Variants in ELMO1 observed in about 807,000 individuals in gnomAD.
ELMO1 encodes engulfment and cell motility protein 1.
Under a neutral mutation model 98.9 loss-of-function variants are expected in ELMO1, and 26 were observed. The observed-to-expected ratio is 0.26, with a 90% confidence interval of 0.19 to 0.36. The LOEUF is 0.36. Among genes scored for constraint, ELMO1 ranks in the 10% least tolerant of loss-of-function variants. ELMO1 has a pLI of 1.00. For synonymous variants in ELMO1, 346 were observed against 346.0 expected (o/e 1.00, Z 0.00); for missense variants, 627 against 935.2 (o/e 0.67, Z 4.30).
chr7:36,945,337 G>T (rs1303932730), intron 16 of ELMO1, among the ~76,000 whole-genome samples: 3 of 152,076 alleles, frequency 2.0e-5, no homozygotes, highest in African/African-American at 7.2e-5. Context: ...TTTTGAAAGG[G>T]CTTACAATAC....
intron 6 of ELMO1, among the ~76,000 whole-genome samples, chr7:37,245,702 G>A (rs1227406255): frequency 6.6e-6 from 1 of 152,094 alleles, no homozygotes; most frequent in African/African-American, 2.4e-5. Flanking sequence ...TCCACTAAAA[G>A]GAACCAGGGC....
intron 17 of ELMO1, among the ~76,000 whole-genome samples, chr7:36,891,073 G>T (rs1454812233): frequency 6.6e-6 from 1 of 152,194 alleles, no homozygotes; most frequent in Non-Finnish European, 1.5e-5. Flanking sequence ...CCTAATTAGA[G>T]ACAGCTACTC....
intron 1 of ELMO1, among the ~76,000 whole-genome samples, chr7:37,416,602 T>G (rs1216468442): frequency 6.6e-6 from 1 of 152,216 alleles, no homozygotes; most frequent in Non-Finnish European, 1.5e-5. Context: ...GAGGGCCACA[T>G]TTGCTTACAA....
intron 1 of ELMO1, among the ~76,000 whole-genome samples, chr7:37,375,085 C>G (rs1233899668): frequency 6.6e-6 from 1 of 151,998 alleles, no homozygotes; most frequent in African/African-American, 2.4e-5. Context: ...AAGAAAAAAT[C>G]TCTTAACTCC....
At chr7:37,264,976 C>T (rs771233052) in intron 5 of ELMO1, among the ~76,000 whole-genome samples, 5 of 152,146 alleles carry the variant, frequency 3.3e-5, no homozygotes. Flanking sequence ...CTCAATGTTG[C>T]CCAGCAATCC....
chr7:37,167,285 T>A (rs921021309), intron 13 of ELMO1, among the ~76,000 whole-genome samples: 3 of 152,198 alleles, frequency 2.0e-5, no homozygotes, highest in African/African-American at 4.8e-5. Flanking sequence ...GTCTTGACTC[T>A]TTATCCAATT....
chr7:37,310,196 A>T (rs554181871), intron 4 of ELMO1, among the ~76,000 whole-genome samples: 43 of 152,336 alleles, frequency 2.8e-4, no homozygotes, highest in Middle Eastern at 3.4e-3. Context: ...CAAGATATGG[A>T]ATTTATCTAA....
intron 16 of ELMO1, among the ~76,000 whole-genome samples, chr7:37,006,738 G>C (rs1793156153): frequency 1.3e-5 from 2 of 152,214 alleles, no homozygotes; most frequent in South Asian, 4.1e-4. Context: ...GGGTGATAAT[G>C]CAAAAGAGAA....
chr7:37,345,420 A>AGACATCTGAGGCCAGGT (rs1800947931), intron 1 of ELMO1, among the ~76,000 whole-genome samples: 1 of 152,022 alleles, frequency 6.6e-6, no homozygotes, highest in Non-Finnish European at 1.5e-5. Context: ...ACCTGAGTAA[A>AGACATCTGAGGCCAGGT]GACATCTGAG....
At chr7:36,947,123 C>A (rs1369656993) in intron 16 of ELMO1, among the ~76,000 whole-genome samples, 1 of 152,184 alleles carries the variant, frequency 6.6e-6, no homozygotes. Flanking sequence ...TTGCCCTGCT[C>A]CCTCTCTGCT....
intron 1 of ELMO1, among the ~76,000 whole-genome samples, chr7:37,447,461 C>T (rs1261371981): frequency 6.6e-6 from 1 of 152,068 alleles, no homozygotes; most frequent in African/African-American, 2.4e-5. Flanking sequence ...CGTCCAGGGA[C>T]TCTCAGAGCT....
At chr7:37,046,418 A>G (rs1392784503) in intron 15 of ELMO1, among the ~76,000 whole-genome samples, 21 of 152,216 alleles carry the variant, frequency 1.4e-4, no homozygotes, top group Admixed American at 1.4e-3. Flanking sequence ...GCCTCTGCCC[A>G]GTGGTCTTCC....
chr7:37,319,545 C>G (rs1799371372), intron 2 of ELMO1, among the ~76,000 whole-genome samples: 1 of 152,156 alleles, frequency 6.6e-6, no homozygotes, highest in South Asian at 2.1e-4. Context: ...TCCTGAGTAC[C>G]AGCCCATCAT....
chr7:36,975,804 ACCC>A (rs1185225578), intron 16 of ELMO1, among the ~76,000 whole-genome samples: 2 of 146,344 alleles, frequency 1.4e-5, no homozygotes, highest in African/African-American at 5.1e-5. Context: ...CCGAGATCGT[ACCC>A]CTGCACTCCA....
At chr7:36,997,852 G>A (rs1792334752) in intron 16 of ELMO1, 1 of 152,426 alleles carries the variant, frequency 6.6e-6, no homozygotes, top group African/African-American at 2.4e-5. Flanking sequence ...GGCAACACAA[G>A]TCAATGCCTC....
chr7:37,289,286 T>C (rs2723962), intron 4 of ELMO1, among the ~76,000 whole-genome samples: 53,352 of 152,106 alleles, frequency 0.35, 10,509 homozygotes, highest in Middle Eastern at 0.54. Context: ...CTTTCCTTTC[T>C]TTCCCTATGC....
At chr7:36,945,904 T>C (rs960084413) in intron 16 of ELMO1, among the ~76,000 whole-genome samples, 7 of 152,210 alleles carry the variant, frequency 4.6e-5, no homozygotes, top group African/African-American at 7.2e-5. Context: ...CTTTGGACTG[T>C]AGAACCCAAG....
At chr7:37,078,907 G>C (rs1182827359) in intron 15 of ELMO1, among the ~76,000 whole-genome samples, 1 of 151,762 alleles carries the variant, frequency 6.6e-6, no homozygotes, top group Non-Finnish European at 1.5e-5. Flanking sequence ...CTGTATTAAT[G>C]CCCAAAAAGC....
chr7:36,866,890 G>A (rs562923715), intron 20 of ELMO1, among the ~76,000 whole-genome samples: 3 of 152,288 alleles, frequency 2.0e-5, no homozygotes, highest in African/African-American at 4.8e-5. Flanking sequence ...TCTGGAGTAC[G>A]GGGAAAGGGG....
Sources: gnomAD v4.1 joint callset for allele counts (sites outside exome capture counted in the v4.1 genomes callset) on GRCh38, gnomAD v4.1.1 for gene constraint, MANE v1.5 for transcripts, NCBI Gene and HGNC (gene_info 2026-07-23, HGNC 2026-07-21) for gene names.